DCPS: variants seen among roughly 807,000 people sequenced by gnomAD.
DCPS encodes the protein decapping enzyme, scavenger.
Under a neutral mutation model 34.7 loss-of-function variants are expected in DCPS, and 27 were observed. The ratio of observed to expected loss-of-function variants is 0.78; its 90% CI spans 0.57 to 1.07. The LOEUF is 1.07. DCPS is among the 50% of genes least tolerant of loss of function. DCPS has a pLI of 0.00. For missense variants in DCPS, 464 were observed against 436.9 expected (o/e 1.06, Z -0.55); for synonymous variants, 185 against 185.7 (o/e 1.00, Z 0.03).
Position 126,345,669 on chromosome 11 carries a change from G to A in DCPS, c.*56G>A. ...GGGATTGGGGGAGGAGTGGGGACAAGATTTTTTATCTCCAAGTGAATTTTC... is the reference window on the plus strand; with the variant it reads ...GGGATTGGGGGAGGAGTGGGGACAAAATTTTTTATCTCCAAGTGAATTTTC... On this transcript the variant is annotated 3_prime_UTR_variant, in exon 6 of 6. Transcript: ENST00000263579. This position sits in a 1 kb window ranked among gnomAD's most constrained non-coding sequence, Gnocchi z 7.4. The A allele has an allele frequency of 4.4e-6, 7 of 1,573,094 alleles. No individual in the cohort carries two copies. Among genetic ancestry groups the A allele is most frequent in the Non-Finnish European group, 6.0e-6 (7 of 1,161,828 alleles).
chr11:126,329,436 C>T lies in DCPS; in HGVS notation c.377-1969C>T, dbSNP rs1951765377. 6.6e-6 allele frequency among the ~76,000 whole-genome samples: 1 copy of T among 152,206 alleles called. No homozygotes were observed. The highest frequency in any genetic ancestry group is 1.5e-5 in the Non-Finnish European group (1 of 68,040). ...GCTCTAAGACGTTAAGCCCCATGCC[C>T]AAGGGTACACAGCCAGTATGGAGAG... is the stretch of plus-strand genomic sequence containing the variant. On this transcript the variant is annotated intron_variant, in intron 2 of 5. Coordinates refer to ENST00000263579, the MANE Select transcript of DCPS (RefSeq NM_014026.6). The surrounding 1 kb of genome is among the most constrained non-coding windows in gnomAD (Gnocchi z 5.0).
Position 126,345,463 on chromosome 11 carries a change from C to G in DCPS, c.864C>G (p.Pro288=), listed in dbSNP as rs769895020. The stretch of plus-strand genomic sequence containing the variant: ...TCACCGCCCTGGGCTTCGAGGCCCC[C>G]GGCTCAGGCGTGGAGCGGGCCCACC... ...VHFTALGFEA[P]GSGVERAHLL... The change falls in exon 6 of 6, where the codon CCC becomes CCG. Residue 288 remains proline, a synonymous_variant. Transcript: ENST00000263579. The surrounding 1 kb of genome is among the most constrained non-coding windows in gnomAD (Gnocchi z 7.4). The G allele has an allele frequency of 2.5e-6, 4 of 1,614,148 alleles. No homozygotes were observed. The highest frequency in any genetic ancestry group is 2.7e-5 in the African/African-American group (2 of 75,056).
At chr11:126,339,792 G>C (rs1565379890) in intron 4 of DCPS, among the ~76,000 whole-genome samples, 3 of 152,198 alleles carry the variant, frequency 2.0e-5, no homozygotes, top group Non-Finnish European at 2.9e-5. Flanking sequence ...GGTAGGACCT[G>C]ATGGTCCCTT....
Position 126,344,422 on chromosome 11 carries a change from T to C in DCPS, c.748-925T>C, listed in dbSNP as rs1173017852. 6.6e-6 allele frequency among the ~76,000 whole-genome samples: 1 copy of C among 152,208 alleles called. No homozygotes were observed. The highest frequency in any genetic ancestry group is 1.5e-5 in the Non-Finnish European group (1 of 68,036). On this transcript the variant is annotated intron_variant, in intron 5 of 5. Coordinates refer to ENST00000263579, the MANE Select transcript of DCPS (RefSeq NM_014026.6). The surrounding 1 kb of genome is among the most constrained non-coding windows in gnomAD (Gnocchi z 8.1). ...CTTGGGGAGATGCCAGGCCAACACT[T>C]TGACCTGCCCTAGCAGCTCAGACAG...
intron 1 of DCPS, 147 bp downstream of exon 1, chr11:126,304,428 G>C: frequency 1.2e-6 from 1 of 864,166 alleles, no homozygotes; most frequent in Non-Finnish European, 1.8e-6. Context: ...AGAATGCATA[G>C]AGGGGCGGTG....
chr11:126,327,530 C>T lies in DCPS; in HGVS notation c.377-3875C>T, dbSNP rs770230485. Among the ~76,000 whole-genome samples the T allele has an allele frequency of 3.3e-5, 5 of 152,306 alleles. No homozygotes were observed. Among genetic ancestry groups the T allele is most frequent in the East Asian group, 3.9e-4 (2 of 5,190 alleles). Reference sequence around the variant, plus strand: ...TGTGCCTGTGTATCGTGTTTCCCAACGTGTTTTCACCTGATGGTTTGATTG... The same window carrying T: ...TGTGCCTGTGTATCGTGTTTCCCAATGTGTTTTCACCTGATGGTTTGATTG... On this transcript the variant is annotated intron_variant, in intron 2 of 5. Coordinates refer to ENST00000263579, the MANE Select transcript of DCPS (RefSeq NM_014026.6). The surrounding 1 kb of genome is among the most constrained non-coding windows in gnomAD (Gnocchi z 4.1).
chr11:126,327,348 G>A lies in DCPS; in HGVS notation c.377-4057G>A, dbSNP rs1476252496. On this transcript the variant is annotated intron_variant, in intron 2 of 5. Coordinates refer to ENST00000263579, the MANE Select transcript of DCPS (RefSeq NM_014026.6). This position sits in a 1 kb window ranked among gnomAD's most constrained non-coding sequence, Gnocchi z 4.1. Reference sequence around the variant, plus strand: ...GACTCAGGTTATGCGTTTTTGGCCAGAATTCCACATGATCAGGAGGCACAT... The same window carrying A: ...GACTCAGGTTATGCGTTTTTGGCCAAAATTCCACATGATCAGGAGGCACAT... Among the ~76,000 whole-genome samples, 3 of 152,204 alleles carry A rather than the reference G, an allele frequency of 2.0e-5. No homozygotes were observed. Among genetic ancestry groups the A allele is most frequent in the Non-Finnish European group, 2.9e-5 (2 of 68,030 alleles).
At chr11:126,343,980 C>G (rs1203390339) in intron 5 of DCPS, among the ~76,000 whole-genome samples, 1 of 152,052 alleles carries the variant, frequency 6.6e-6, no homozygotes, top group African/African-American at 2.4e-5. Context: ...GTGGTCCTGG[C>G]CTGACATTTG....
At chr11:126,307,060 T>G (rs1404089196) in intron 2 of DCPS, among the ~76,000 whole-genome samples, 2 of 152,072 alleles carry the variant, frequency 1.3e-5, no homozygotes, top group African/African-American at 4.8e-5. Flanking sequence ...CCAGGCATGG[T>G]GGCCCACACC....
rs1951883142 is a variant in DCPS at position 126,342,519 on chromosome 11, G to C, written c.637-788G>C. Among the ~76,000 whole-genome samples the C allele has an allele frequency of 2.0e-5, 3 of 152,098 alleles. No individual in the cohort carries two copies. On this transcript the variant is annotated intron_variant, in intron 4 of 5. Transcript: ENST00000263579. This position sits in a 1 kb window ranked among gnomAD's most constrained non-coding sequence, Gnocchi z 4.4. ...TATACATTCTTGCCTCCGAGTCTTT[G>C]CTCTGTTTCCTCTACCTGAATACCC...
chr11:126,323,185 C>T lies in DCPS; in HGVS notation c.377-8220C>T, dbSNP rs1951719889. 6.6e-6 allele frequency among the ~76,000 whole-genome samples: 1 copy of T among 152,118 alleles called. No individual in the cohort carries two copies. The stretch of plus-strand genomic sequence containing the variant: ...ATATATTTTCAGATGTTTCAAGTCT[C>T]AAAATATATCTTGCTTGCACCATGT... On this transcript the variant is annotated intron_variant, in intron 2 of 5. Coordinates refer to ENST00000263579, the MANE Select transcript of DCPS (RefSeq NM_014026.6). The surrounding 1 kb of genome is among the most constrained non-coding windows in gnomAD (Gnocchi z 4.4).
chr11:126,321,164 G>A (rs1398305761), intron 2 of DCPS, among the ~76,000 whole-genome samples: 2 of 151,790 alleles, frequency 1.3e-5, no homozygotes, highest in Non-Finnish European at 1.5e-5. Context: ...CTCAGGCAAG[G>A]GGATCACTTG....
Position 126,342,539 on chromosome 11 carries a change from A to G in DCPS, c.637-768A>G, listed in dbSNP as rs1298624163. On this transcript the variant is annotated intron_variant, in intron 4 of 5. Transcript: ENST00000263579. This position sits in a 1 kb window ranked among gnomAD's most constrained non-coding sequence, Gnocchi z 4.4. ...TCTTTGCTCTGTTTCCTCTACCTGA[A>G]TACCCTTTCTCCAAATTCTACCTTT... Among the ~76,000 whole-genome samples the G allele has an allele frequency of 1.3e-5, 2 of 152,102 alleles. No individual in the cohort carries two copies. Among genetic ancestry groups the G allele is most frequent in the Admixed American group, 6.6e-5 (1 of 15,266 alleles).
In DCPS at chr11:126,329,140, T is replaced by A. The variant is rs1951762972; in HGVS notation, c.377-2265T>A. ...TCAAGCAGTCTCCCGCCTCTTGAGA[T>A]CTTGGTGTGCCTGACCTCTGACCTC... On this transcript the variant is annotated intron_variant, in intron 2 of 5. Transcript: ENST00000263579. The surrounding 1 kb of genome is among the most constrained non-coding windows in gnomAD (Gnocchi z 5.0). Among the ~76,000 whole-genome samples the A allele has an allele frequency of 6.6e-6, 1 of 152,166 alleles. No individual in the cohort carries two copies. The highest frequency in any genetic ancestry group is 1.5e-5 in the Non-Finnish European group (1 of 68,040).
chr11:126,343,086 A>G (rs1951888611), intron 4 of DCPS, among the ~76,000 whole-genome samples: 1 of 134,348 alleles, frequency 7.4e-6, no homozygotes. Flanking sequence ...AAAAAAAAAA[A>G]AGGACTCTCA....
Position 126,337,958 on chromosome 11 carries a change from G to A in DCPS, c.523-328G>A. On this transcript the variant is annotated intron_variant, in intron 3 of 5. Transcript: ENST00000263579. The surrounding 1 kb of genome is among the most constrained non-coding windows in gnomAD (Gnocchi z 5.3). ...GTGGAGGGGGTCACTGCTATAGAGGGCAGACACAGCCTGGGTTTGGAGGCC... is the reference window on the plus strand; with the variant it reads ...GTGGAGGGGGTCACTGCTATAGAGGACAGACACAGCCTGGGTTTGGAGGCC... 1 of 323,964 alleles carries A rather than the reference G, an allele frequency of 3.1e-6. No homozygotes were observed. The highest frequency in any genetic ancestry group is 4.2e-5 in the Admixed American group (1 of 23,658). The allele number at this position is 323,964 out of a possible 1,614,324, so 20.1% of individuals were successfully genotyped here.
Position 126,322,398 on chromosome 11 carries a change from G to C in DCPS, c.377-9007G>C, listed in dbSNP as rs240558. On this transcript the variant is annotated intron_variant, in intron 2 of 5. Coordinates refer to ENST00000263579, the MANE Select transcript of DCPS (RefSeq NM_014026.6). The surrounding 1 kb of genome is among the most constrained non-coding windows in gnomAD (Gnocchi z 4.2). The stretch of plus-strand genomic sequence containing the variant: ...CCTGTCTCATTCTCTCTAGTAGCTG[G>C]GATTACAGGCGCACACCACCACGCC... 6.6e-6 allele frequency among the ~76,000 whole-genome samples: 1 copy of C among 151,796 alleles called. No homozygotes were observed. The highest frequency in any genetic ancestry group is 1.5e-5 in the Non-Finnish European group (1 of 67,980).
At position 126,348,296 on chromosome 11, in the gene DCPS, G is replaced by A. The variant is rs935247453; in HGVS notation, c.*2683G>A. Among the ~76,000 whole-genome samples, 3 of 152,130 alleles carry A rather than the reference G, an allele frequency of 2.0e-5. No individual in the cohort carries two copies. The highest frequency in any genetic ancestry group is 4.4e-5 in the Non-Finnish European group (3 of 68,012). On this transcript the variant is annotated 3_prime_UTR_variant, in exon 6 of 6. Coordinates refer to ENST00000263579, the MANE Select transcript of DCPS (RefSeq NM_014026.6). This position sits in a 1 kb window ranked among gnomAD's most constrained non-coding sequence, Gnocchi z 5.3. ...CCACTCTGTGGGGAGGAGCCTCTCT[G>A]GGATAGCGTCCCCTCACTCCTCTCC... is the stretch of plus-strand genomic sequence containing the variant.
chr11:126,308,435 T>C (rs1478545758), intron 2 of DCPS, among the ~76,000 whole-genome samples: 1 of 152,218 alleles, frequency 6.6e-6, no homozygotes, highest in Non-Finnish European at 1.5e-5. Context: ...TGGAAATATG[T>C]GAACACTTCA....
Sources: gnomAD v4.1 joint callset for allele counts (sites outside exome capture counted in the v4.1 genomes callset) on GRCh38, gnomAD v4.1.1 for gene constraint, Gnocchi (gnomAD v3.1) non-coding constraint, MANE v1.5 for transcripts, NCBI Gene and HGNC (gene_info 2026-07-23, HGNC 2026-07-21) for gene names.